The following AGPS variants were observed in gnomAD, a reference collection of about 807,000 sequenced individuals.
The protein encoded by AGPS is alkylglycerone phosphate synthase, also known as alkyldihydroxyacetonephosphate synthase, peroxisomal.
A neutral mutation model predicts 90.7 loss-of-function variants in AGPS; 26 were observed. The observed-to-expected ratio is 0.29, with a 90% CI of 0.21 to 0.40. The LOEUF (loss-of-function observed/expected upper bound fraction) is 0.40. AGPS is among the 10% of genes least tolerant of loss of function. The pLI, the probability that AGPS is intolerant of heterozygous loss-of-function variation, is 1.00. For missense variants in AGPS, 540 were observed against 816.1 expected (o/e 0.66, Z 4.12); for synonymous variants, 294 against 285.3 (o/e 1.03, Z -0.31).
Position 177,455,684 on chromosome 2 carries a change from C to T in AGPS, c.871-6209C>T, listed in dbSNP as rs1378675837. On this transcript the variant is annotated intron_variant, in intron 8 of 19. Coordinates refer to ENST00000264167, the MANE Select transcript of AGPS (RefSeq NM_003659.4). ...TTCAGTTTGGGTAGAGGGGGAAGTT[C>T]CTGCTCTGCTTTTTATTTTTTTCAT... Among the ~76,000 whole-genome samples the T allele has an allele frequency of 4.6e-5, 7 of 151,906 alleles. No individual in the cohort carries two copies. In the South Asian group the frequency reaches 1.5e-3, roughly 32 times the overall value.
intron 2 of AGPS, among the ~76,000 whole-genome samples, chr2:177,428,378 TATTTTGCATACTTG>T (rs1459171866): frequency 6.6e-6 from 1 of 152,252 alleles, no homozygotes; most frequent in Non-Finnish European, 1.5e-5. Context: ...GCTAGGTAGT[TATTTTGCATACTTG>T]TTTATGTGGT....
intron 10 of AGPS, among the ~76,000 whole-genome samples, chr2:177,480,376 A>G (rs1574402909): frequency 6.6e-6 from 1 of 152,182 alleles, no homozygotes. Flanking sequence ...GCACATATAC[A>G]CCATGGAATA....
rs1477215439 is a variant in AGPS at position 177,543,505 on chromosome 2, T to C, written c.*5310T>C. 1 of 152,236 alleles carries C rather than the reference T, an allele frequency of 6.6e-6. No homozygotes were observed. The highest frequency in any genetic ancestry group is 1.5e-5 in the Non-Finnish European group (1 of 68,046). 9.4% of individuals were successfully genotyped at this position (152,236 alleles called of 1,614,324 possible). On this transcript the variant is annotated 3_prime_UTR_variant, in exon 20 of 20. Coordinates refer to ENST00000264167, the MANE Select transcript of AGPS (RefSeq NM_003659.4). ...TCCTGCCAGGACTGTAGTAATCCTT[T>C]GGGAACTACATGTGAGTAAGCACTT... is the stretch of plus-strand genomic sequence containing the variant.
At chr2:177,466,408 G>A (rs148819253) in intron 9 of AGPS, among the ~76,000 whole-genome samples, 63 of 152,348 alleles carry the variant, frequency 4.1e-4, no homozygotes, top group African/African-American at 1.5e-3. Context: ...ACTCCAGTCC[G>A]TGGAACTGGC....
At chr2:177,479,319 C>G (rs187546510) in intron 10 of AGPS, among the ~76,000 whole-genome samples, 1 of 152,284 alleles carries the variant, frequency 6.6e-6, no homozygotes, top group Non-Finnish European at 1.5e-5. Flanking sequence ...CACTACCTCC[C>G]AGCTGCACTC....
chr2:177,515,581 G>A (rs540642383), intron 17 of AGPS, among the ~76,000 whole-genome samples: 1 of 152,004 alleles, frequency 6.6e-6, no homozygotes, highest in South Asian at 2.1e-4. Context: ...TGATTAGGAA[G>A]TAAAATATTC....
intron 14 of AGPS, among the ~76,000 whole-genome samples, chr2:177,502,362 A>G (rs1344168410): frequency 6.7e-6 from 1 of 150,050 alleles, no homozygotes; most frequent in Non-Finnish European, 1.5e-5. Context: ...TAAACAACCC[A>G]GATTGTTATT....
chr2:177,440,154 C>G lies in AGPS; in HGVS notation c.638-811C>G, dbSNP rs565517372. On this transcript the variant is annotated intron_variant, in intron 5 of 19. Coordinates refer to ENST00000264167, the MANE Select transcript of AGPS (RefSeq NM_003659.4). ...AATACTGTGTCACTAGGTTTTCCCA[C>G]TATAAGGATACTGTGTTTCTTGTTG... is the stretch of plus-strand genomic sequence containing the variant. Among the ~76,000 whole-genome samples the G allele has an allele frequency of 3.9e-5, 6 of 152,142 alleles. No homozygotes were observed. In the East Asian group the frequency reaches 1.2e-3, roughly 29 times the overall value.
rs1371139648 is a variant in AGPS, at chr2:177,542,332, C to T, written c.*4137C>T. 1 of 152,052 alleles carries T rather than the reference C, an allele frequency of 6.6e-6. No homozygotes were observed. Among genetic ancestry groups the T allele is most frequent in the Non-Finnish European group, 1.5e-5 (1 of 67,982 alleles). The allele number at this position is 152,052 out of a possible 1,614,324, so 9.4% of individuals were successfully genotyped here. The stretch of plus-strand genomic sequence containing the variant: ...CAGGAGGCTTTGAGACTCCTATGAA[C>T]CTGAAGCACTCCCTTTTGAACCTTG... On this transcript the variant is annotated 3_prime_UTR_variant, in exon 20 of 20. Coordinates refer to ENST00000264167, the MANE Select transcript of AGPS (RefSeq NM_003659.4).
Position 177,540,182 on chromosome 2 carries a change from C to G in AGPS, c.*1987C>G, listed in dbSNP as rs1471307175. The G allele has an allele frequency of 1.3e-5, 2 of 150,972 alleles. No individual in the cohort carries two copies. The highest frequency in any genetic ancestry group is 3.0e-5 in the Non-Finnish European group (2 of 67,712). The allele number at this position is 150,972 out of a possible 1,614,324, so 9.4% of individuals were successfully genotyped here. ...CATGTGATTGTTATAACATTCTTTC[C>G]CAGGGAGTTCAATTTCAGCAACCTC... On this transcript the variant is annotated 3_prime_UTR_variant, in exon 20 of 20. Coordinates refer to ENST00000264167, the MANE Select transcript of AGPS (RefSeq NM_003659.4).
intron 17 of AGPS, among the ~76,000 whole-genome samples, chr2:177,515,747 T>C (rs1168299441): frequency 6.6e-6 from 1 of 152,222 alleles, no homozygotes; most frequent in Non-Finnish European, 1.5e-5. Context: ...GCAGTAGCTA[T>C]GTTTTAAGAA....
intron 9 of AGPS, among the ~76,000 whole-genome samples, chr2:177,466,375 C>T (rs747342309): frequency 2.0e-5 from 3 of 152,300 alleles, no homozygotes; most frequent in East Asian, 1.9e-4. Flanking sequence ...TGGGCAATCC[C>T]GGAAAAAGCA....
chr2:177,535,887 G>A (rs2079179352), intron 19 of AGPS, among the ~76,000 whole-genome samples: 1 of 151,520 alleles, frequency 6.6e-6, no homozygotes, highest in Non-Finnish European at 1.5e-5. Flanking sequence ...CCACAGCTTT[G>A]TTGGCCGTAC....
chr2:177,394,139 C>A (rs1479840103), intron 1 of AGPS, among the ~76,000 whole-genome samples: 1 of 152,112 alleles, frequency 6.6e-6, no homozygotes, highest in Non-Finnish European at 1.5e-5. Flanking sequence ...TGAATTAATT[C>A]AACATACATG....
At chr2:177,416,945 T>A (rs559780027) in intron 1 of AGPS, among the ~76,000 whole-genome samples, 10 of 152,344 alleles carry the variant, frequency 6.6e-5, no homozygotes, top group African/African-American at 2.2e-4. Context: ...ATTCTTTTAT[T>A]TGAATCTTAT....
At chr2:177,512,753 TTAA>T (rs2105725491) in intron 16 of AGPS, among the ~76,000 whole-genome samples, 1 of 152,348 alleles carries the variant, frequency 6.6e-6, no homozygotes, top group East Asian at 1.9e-4. Context: ...GCATAACACA[TTAA>T]TACTTTACAT....
chr2:177,400,853 G>A (rs1423234022), intron 1 of AGPS, among the ~76,000 whole-genome samples: 1 of 152,166 alleles, frequency 6.6e-6, no homozygotes, highest in East Asian at 1.9e-4. Context: ...AATCACAGAA[G>A]TTCGCATTTC....
At chr2:177,479,648 G>A (rs1289531723) in intron 10 of AGPS, among the ~76,000 whole-genome samples, 6 of 152,272 alleles carry the variant, frequency 3.9e-5, no homozygotes, top group East Asian at 3.9e-4. Context: ...AAACATTTTG[G>A]TAAGTGAAAT....
chr2:177,499,560 A>G (rs912860243), intron 13 of AGPS, 58 bp from the exon 14 acceptor site: 10 of 1,157,194 alleles, frequency 8.6e-6, no homozygotes, highest in Non-Finnish European at 1.3e-5. Context: ...ATGTATTTTG[A>G]TTTATTGTTT....
Sources: gnomAD v4.1 joint callset for allele counts (sites outside exome capture counted in the v4.1 genomes callset) on GRCh38, gnomAD v4.1.1 for gene constraint, MANE v1.5 for transcripts, NCBI Gene and HGNC (gene_info 2026-07-23, HGNC 2026-07-21) for gene names.